The following FAM185A variants were observed in gnomAD, a reference collection of about 807,000 sequenced individuals.
FAM185A encodes the protein protein FAM185A.
A neutral mutation model predicts 45.7 loss-of-function variants in FAM185A; 21 were observed. The ratio of observed to expected loss-of-function variants is 0.46; its 90% CI spans 0.33 to 0.66. FAM185A has a LOEUF of 0.66. Ranked by LOEUF, FAM185A falls within the 30% of genes least tolerant of loss-of-function variation. The pLI is 0.03. For missense variants in FAM185A, 305 were observed against 485.4 expected, an observed-to-expected ratio of 0.63 and a Z score of 3.49; for synonymous variants, 117 against 194.0, an observed-to-expected ratio of 0.60 and a Z score of 3.30.
At chr7:102,795,207 T>C (rs916686864) in intron 7 of FAM185A, among the ~76,000 whole-genome samples, 1 of 152,232 alleles carries the variant, frequency 6.6e-6, no homozygotes, top group Non-Finnish European at 1.5e-5. Context: ...GTCCAGTTAA[T>C]TTGCCAGCTA....
intron 7 of FAM185A, among the ~76,000 whole-genome samples, chr7:102,788,947 A>G (rs187862451): frequency 3.3e-4 from 51 of 152,356 alleles, no homozygotes; most frequent in Non-Finnish European, 4.7e-4. Flanking sequence ...GGCACTTACC[A>G]TAAGTGGAGC....
the FAM185A span, among the ~76,000 whole-genome samples, chr7:102,824,678 GT>G: frequency 6.6e-6 from 1 of 151,450 alleles, no homozygotes; most frequent in Non-Finnish European, 1.5e-5. Flanking sequence ...TAGAGACAGG[GT>G]TTTACCATGT....
the FAM185A span, among the ~76,000 whole-genome samples, chr7:102,845,348 C>T: frequency 6.6e-6 from 1 of 152,160 alleles, no homozygotes; most frequent in African/African-American, 2.4e-5. Flanking sequence ...CAAAAGATAC[C>T]TATTACCCCT....
chr7:102,804,608 T>C (rs1796997624), intron 7 of FAM185A, among the ~76,000 whole-genome samples: 1 of 152,152 alleles, frequency 6.6e-6, no homozygotes, highest in African/African-American at 2.4e-5. Context: ...AAAACCCTTC[T>C]AGACATTGGC....
chr7:102,796,909 A>G (rs1796464650), intron 7 of FAM185A, among the ~76,000 whole-genome samples: 1 of 152,224 alleles, frequency 6.6e-6, no homozygotes, highest in Admixed American at 6.5e-5. Flanking sequence ...AATACAATGG[A>G]TGAGATTAGA....
chr7:102,835,979 A>C, the FAM185A span, among the ~76,000 whole-genome samples: 4 of 152,228 alleles, frequency 2.6e-5, no homozygotes, highest in Non-Finnish European at 5.9e-5. Flanking sequence ...GAGGAACCAG[A>C]GAAAAATTAA....
At chr7:102,839,746 T>C in the FAM185A span, among the ~76,000 whole-genome samples, 5 of 152,168 alleles carry the variant, frequency 3.3e-5, no homozygotes, top group African/African-American at 4.8e-5. Context: ...GTGCCTGGCA[T>C]AGTAAAAATA....
At chr7:102,799,166 T>C (rs1299639301) in intron 7 of FAM185A, among the ~76,000 whole-genome samples, 1 of 152,174 alleles carries the variant, frequency 6.6e-6, no homozygotes, top group African/African-American at 2.4e-5. Context: ...AAGAACAGTT[T>C]AAATAAGCGG....
intron 4 of FAM185A, among the ~76,000 whole-genome samples, chr7:102,771,289 C>G (rs1466210177): frequency 6.6e-6 from 1 of 151,904 alleles, no homozygotes; most frequent in Non-Finnish European, 1.5e-5. Context: ...ATCATTTGTA[C>G]CCCAGACTTC....
intron 6 of FAM185A, among the ~76,000 whole-genome samples, chr7:102,780,636 G>A (rs1186898818): frequency 2.0e-5 from 3 of 152,222 alleles, no homozygotes; most frequent in African/African-American, 7.2e-5. Context: ...CGATGAGGTA[G>A]GAGTGTGTGA....
intron 4 of FAM185A, among the ~76,000 whole-genome samples, chr7:102,768,655 G>C (rs868856960): frequency 2.7e-5 from 4 of 149,852 alleles, no homozygotes; most frequent in African/African-American, 9.9e-5. Flanking sequence ...CATTTCTTTT[G>C]GTGAAGAAAA....
intron 7 of FAM185A, among the ~76,000 whole-genome samples, chr7:102,798,306 TAATAG>T (rs1359681484): frequency 6.6e-6 from 1 of 152,214 alleles, no homozygotes; most frequent in East Asian, 1.9e-4. Context: ...TACAAATTAT[TAATAG>T]AATAGAGTCT....
chr7:102,819,384 C>T, the FAM185A span, among the ~76,000 whole-genome samples: 2 of 152,132 alleles, frequency 1.3e-5, no homozygotes, highest in African/African-American at 4.8e-5. Context: ...TGGTAGAATG[C>T]CAGCCATATC....
chr7:102,813,550 G>C, downstream of FAM185A: 1 of 1,605,394 alleles, frequency 6.2e-7, no homozygotes, highest in Non-Finnish European at 8.5e-7. Context: ...ACAGTGCTTA[G>C]CATTAGCTAG....
At chr7:102,772,475 G>A (rs1223627917) in intron 5 of FAM185A, 25 bp downstream of exon 5, 14 of 1,520,144 alleles carry the variant, frequency 9.2e-6, no homozygotes, top group Non-Finnish European at 1.2e-5. Context: ...ACTAGTTCGT[G>A]TATTTTGTCC....
intron 7 of FAM185A, among the ~76,000 whole-genome samples, chr7:102,797,661 AC>A (rs1360757885): frequency 1.3e-5 from 2 of 152,164 alleles, no homozygotes; most frequent in Non-Finnish European, 2.9e-5. Context: ...TTGTGAGAGC[AC>A]TGGTGTGTCT....
At chr7:102,827,430 C>T in the FAM185A span, among the ~76,000 whole-genome samples, 2 of 152,166 alleles carry the variant, frequency 1.3e-5, no homozygotes, top group African/African-American at 4.8e-5. Flanking sequence ...TCTTAAGCCA[C>T]TGAGTTTGAG....
intron 7 of FAM185A, among the ~76,000 whole-genome samples, chr7:102,796,428 G>A (rs1796440837): frequency 6.6e-6 from 1 of 152,230 alleles, no homozygotes; most frequent in Non-Finnish European, 1.5e-5. Flanking sequence ...TTGTTGTCCT[G>A]AAAAGGGAGT....
In FAM185A at chr7:102,805,732, G is replaced by A. The variant is rs192843142; in HGVS notation, c.1067-2558G>A. Among the ~76,000 whole-genome samples the A allele has an allele frequency of 1.9e-3, 293 of 152,130 alleles. 2 individuals are homozygous for A. Among genetic ancestry groups the A allele is most frequent in the African/African-American group, 6.7e-3 (278 of 41,496 alleles). ...ATAAAATAAAGGTGGGGAGGCAGAG[G>A]TTATAGGCAAAGTCATAAATTGATA... is the stretch of plus-strand genomic sequence containing the variant. On this transcript the variant is annotated intron_variant, in intron 7 of 7. Coordinates refer to ENST00000413034, the MANE Select transcript of FAM185A (RefSeq NM_001145268.2).
Sources: gnomAD v4.1 joint callset for allele counts (sites outside exome capture counted in the v4.1 genomes callset) on GRCh38, gnomAD v4.1.1 for gene constraint, MANE v1.5 for transcripts, NCBI Gene and HGNC (gene_info 2026-07-23, HGNC 2026-07-21) for gene names.